The following FAM78B variants were observed in gnomAD, a reference collection of about 807,000 sequenced individuals.
The protein encoded by FAM78B is family with sequence similarity 78 member B, also known as protein FAM78B.
FAM78B carries 10 observed loss-of-function variants against 20.0 expected under a neutral mutation model. The observed-to-expected ratio is 0.50, with a 90% CI of 0.31 to 0.85. The LOEUF is 0.85. Ranked by LOEUF, FAM78B falls within the 40% of genes least tolerant of loss-of-function variation. The pLI is 0.05. For synonymous variants in FAM78B, 135 were observed against 132.8 expected (o/e 1.02, Z -0.12); for missense variants, 283 against 345.0 (o/e 0.82, Z 1.42).
chr1:166,135,890 C>T (rs1325429705), intron 1 of FAM78B, among the ~76,000 whole-genome samples: 2 of 152,192 alleles, frequency 1.3e-5, no homozygotes, highest in Admixed American at 1.3e-4. Context: ...AGTTAACAAT[C>T]CAAGGTATTT....
At chr1:166,077,827 TATA>T (rs1211543475) in intron 1 of FAM78B, among the ~76,000 whole-genome samples, 5 of 120,474 alleles carry the variant, frequency 4.2e-5, no homozygotes, top group Non-Finnish European at 8.3e-5. Flanking sequence ...TATATATAAA[TATA>T]TATAATTTAT....
chr1:166,142,192 C>A (rs1367481204), intron 1 of FAM78B, among the ~76,000 whole-genome samples: 1 of 152,172 alleles, frequency 6.6e-6, no homozygotes, highest in Non-Finnish European at 1.5e-5. Flanking sequence ...AATGGAAAAC[C>A]ATTATTGGGG....
intron 1 of FAM78B, among the ~76,000 whole-genome samples, chr1:166,095,039 C>T (rs1410996542): frequency 1.3e-5 from 2 of 152,112 alleles, no homozygotes; most frequent in African/African-American, 4.8e-5. Context: ...GTCTGATGCT[C>T]AGGACACTTC....
chr1:166,133,605 A>AAC (rs1654958578), intron 1 of FAM78B, among the ~76,000 whole-genome samples: 1 of 151,842 alleles, frequency 6.6e-6, no homozygotes, highest in Non-Finnish European at 1.5e-5. Context: ...CAATCTTAAA[A>AAC]AAAAAAAAGA....
chr1:166,092,431 C>T (rs571031420), intron 1 of FAM78B, among the ~76,000 whole-genome samples: 34 of 152,352 alleles, frequency 2.2e-4, no homozygotes. Context: ...GTCAACACCT[C>T]CTCTACCTCC....
chr1:166,102,835 A>G (rs1314647895), intron 1 of FAM78B, among the ~76,000 whole-genome samples: 5 of 152,188 alleles, frequency 3.3e-5, no homozygotes, highest in African/African-American at 1.2e-4. Context: ...CAGGAATTGA[A>G]CTCAGCTCTG....
chr1:166,146,206 A>C (rs1428395116), intron 1 of FAM78B, among the ~76,000 whole-genome samples: 4 of 152,238 alleles, frequency 2.6e-5, no homozygotes, highest in Non-Finnish European at 5.9e-5. Flanking sequence ...CTCATGTCTC[A>C]CAGTGCCACT....
intron 1 of FAM78B, among the ~76,000 whole-genome samples, chr1:166,105,869 G>A (rs1158680635): frequency 6.6e-6 from 1 of 151,672 alleles, no homozygotes; most frequent in African/African-American, 2.4e-5. Context: ...TATACCCAAA[G>A]GATTATAAAT....
At chr1:166,094,003 CTGTGTGTGTGTGTG>C (rs58213930) in intron 1 of FAM78B, among the ~76,000 whole-genome samples, 21 of 125,592 alleles carry the variant, frequency 1.7e-4, no homozygotes, top group Middle Eastern at 8.3e-3. Flanking sequence ...TTGCGAATGA[CTGTGTGTGTGTGTG>C]TGTGTGTGTG....
intron 1 of FAM78B, among the ~76,000 whole-genome samples, chr1:166,157,870 T>G (rs1184151357): frequency 2.0e-5 from 3 of 152,136 alleles, no homozygotes; most frequent in Non-Finnish European, 4.4e-5. Context: ...GAACTGAGGA[T>G]GTCGTCCCCC....
At chr1:166,096,392 A>AT (rs1370933615) in intron 1 of FAM78B, among the ~76,000 whole-genome samples, 1 of 152,184 alleles carries the variant, frequency 6.6e-6, no homozygotes, top group East Asian at 1.9e-4. Flanking sequence ...TTCACTGGCC[A>AT]ACCCAAACAG....
intron 1 of FAM78B, among the ~76,000 whole-genome samples, chr1:166,155,209 G>C (rs568577726): frequency 6.6e-6 from 1 of 152,192 alleles, no homozygotes; most frequent in Admixed American, 6.5e-5. Flanking sequence ...GCAATATCCT[G>C]AATACTTCCT....
At chr1:166,140,443 C>T (rs946225257) in intron 1 of FAM78B, among the ~76,000 whole-genome samples, 1 of 152,202 alleles carries the variant, frequency 6.6e-6, no homozygotes, top group Non-Finnish European at 1.5e-5. Flanking sequence ...CAGACAACAG[C>T]ATTACAGGGC....
chr1:166,165,434 G>A (rs1240359082), intron 1 of FAM78B, among the ~76,000 whole-genome samples: 7 of 152,096 alleles, frequency 4.6e-5, no homozygotes, highest in Non-Finnish European at 7.4e-5. Flanking sequence ...AAACGCCTCC[G>A]GGCTCCCTGG....
intron 1 of FAM78B, among the ~76,000 whole-genome samples, chr1:166,101,906 G>A (rs145377094): frequency 0.027 from 4,125 of 152,156 alleles, 253 homozygotes; most frequent in Admixed American, 0.14. Context: ...ACACATAATT[G>A]TCAGATTCAC....
chr1:166,074,280 T>C (rs1034377422), intron 1 of FAM78B, among the ~76,000 whole-genome samples: 1 of 152,194 alleles, frequency 6.6e-6, no homozygotes, highest in African/African-American at 2.4e-5. Flanking sequence ...CCTCTGCCTA[T>C]GCTGTTCCTC....
intron 1 of FAM78B, among the ~76,000 whole-genome samples, chr1:166,084,033 T>C (rs1279829588): frequency 6.6e-6 from 1 of 151,740 alleles, no homozygotes; most frequent in African/African-American, 2.4e-5. Flanking sequence ...AACAGGAGGG[T>C]AGATGGCCAC....
chr1:166,131,494 G>C (rs1328965389), intron 1 of FAM78B, among the ~76,000 whole-genome samples: 1 of 152,156 alleles, frequency 6.6e-6, no homozygotes, highest in Non-Finnish European at 1.5e-5. Flanking sequence ...GTGGGCAGCT[G>C]AACCCTCCAA....
At chr1:166,160,330 G>A (rs1397804944) in intron 1 of FAM78B, among the ~76,000 whole-genome samples, 2 of 152,206 alleles carry the variant, frequency 1.3e-5, no homozygotes, top group Non-Finnish European at 2.9e-5. Flanking sequence ...CGGGATTAAT[G>A]AGTTAGTGAT....
Sources: allele counts gnomAD v4.1 joint callset (sites outside exome capture counted in the v4.1 genomes callset), GRCh38; gene constraint gnomAD v4.1.1; transcripts MANE v1.5; gene names NCBI Gene and HGNC (gene_info 2026-07-23, HGNC 2026-07-21).